The following NXPE2 variants were observed in gnomAD, a reference collection of about 807,000 sequenced individuals.
The protein encoded by NXPE2 is NXPE family member 2.
NXPE2 carries 34 observed loss-of-function variants against 34.4 expected under a neutral mutation model. The observed-to-expected ratio is 0.99, with a 90% CI of 0.75 to 1.31. NXPE2 has a LOEUF of 1.31. Among genes scored for constraint, NXPE2 ranks in the 40% most tolerant of loss-of-function variants. The probability of loss-of-function intolerance (pLI) is 0.00; values close to 1 mark genes in which losing one functional copy is unlikely to be tolerated. For missense variants in NXPE2, 649 were observed against 672.5 expected, an observed-to-expected ratio of 0.97 and a Z score of 0.39; for synonymous variants, 235 against 231.3, an observed-to-expected ratio of 1.02 and a Z score of -0.15.
chr11:114,737,512 G>A, the NXPE2 span, among the ~76,000 whole-genome samples: 11,646 of 152,198 alleles, frequency 0.077, 476 homozygotes, highest in Middle Eastern at 0.13. Context: ...AGTACTTACA[G>A]TGTGCCAGTC....
chr11:114,534,497 A>T, the NXPE2 span, among the ~76,000 whole-genome samples: 1 of 152,212 alleles, frequency 6.6e-6, no homozygotes, highest in Non-Finnish European at 1.5e-5. Flanking sequence ...GAGCTAAAGG[A>T]GGAAGTTCGA....
the NXPE2 span, among the ~76,000 whole-genome samples, chr11:114,731,741 A>T: frequency 6.6e-6 from 1 of 152,248 alleles, no homozygotes; most frequent in African/African-American, 2.4e-5. Flanking sequence ...ATATAATACA[A>T]TTTTATAGAA....
At chr11:114,510,509 C>G in the NXPE2 span, among the ~76,000 whole-genome samples, 1 of 152,176 alleles carries the variant, frequency 6.6e-6, no homozygotes, top group Non-Finnish European at 1.5e-5. Context: ...GTGTAAGCCA[C>G]CACACCCAGC....
chr11:114,566,170 T>G, the NXPE2 span, among the ~76,000 whole-genome samples: 1 of 152,056 alleles, frequency 6.6e-6, no homozygotes, highest in Non-Finnish European at 1.5e-5. Flanking sequence ...CTAAGTGCAG[T>G]GGAGAAATCA....
the NXPE2 span, among the ~76,000 whole-genome samples, chr11:114,634,868 CGTGTAGTATAG>C: frequency 6.6e-6 from 1 of 151,886 alleles, no homozygotes; most frequent in Non-Finnish European, 1.5e-5. Flanking sequence ...TTACTGTAGC[CGTGTAGTATAG>C]TTTGAAGTCA....
the NXPE2 span, among the ~76,000 whole-genome samples, chr11:114,548,063 AGGT>A: frequency 2.0e-5 from 3 of 152,204 alleles, no homozygotes; most frequent in African/African-American, 7.2e-5. Flanking sequence ...GTATCTGATA[AGGT>A]AACATTCATA....
upstream of NXPE2, among the ~76,000 whole-genome samples, chr11:114,675,917 C>A (rs1292692031): frequency 1.3e-5 from 2 of 151,720 alleles, no homozygotes; most frequent in Non-Finnish European, 2.9e-5. Flanking sequence ...AAGAATGGAA[C>A]CAAATAGAGA....
At chr11:114,785,931 A>G in the NXPE2 span, among the ~76,000 whole-genome samples, 2 of 152,130 alleles carry the variant, frequency 1.3e-5, no homozygotes, top group African/African-American at 4.8e-5. Flanking sequence ...TGTTCTAATC[A>G]CTCAGAGACA....
chr11:114,518,641 T>C, the NXPE2 span, among the ~76,000 whole-genome samples: 1 of 152,156 alleles, frequency 6.6e-6, no homozygotes, highest in African/African-American at 2.4e-5. Context: ...CTCTGAGGTA[T>C]CCTTTGCTCT....
the NXPE2 span, among the ~76,000 whole-genome samples, chr11:114,808,054 C>T: frequency 6.6e-6 from 1 of 152,198 alleles, no homozygotes; most frequent in Non-Finnish European, 1.5e-5. Context: ...CAAAACTGCT[C>T]AACTACATGG....
At chr11:114,500,604 C>G in the NXPE2 span, among the ~76,000 whole-genome samples, 2 of 152,044 alleles carry the variant, frequency 1.3e-5, no homozygotes, top group East Asian at 3.8e-4. Flanking sequence ...AATAGAAGAT[C>G]TTAGTTTTAA....
the NXPE2 span, among the ~76,000 whole-genome samples, chr11:114,482,830 A>T: frequency 0.016 from 2,388 of 152,268 alleles, 66 homozygotes; most frequent in African/African-American, 0.055. Context: ...TTCCCATAGG[A>T]GGTGTGGTTG....
At chr11:114,648,526 C>T in the NXPE2 span, among the ~76,000 whole-genome samples, 2,559 of 152,176 alleles carry the variant, frequency 0.017, 25 homozygotes, top group Non-Finnish European at 0.026. Flanking sequence ...CGTTAATCTA[C>T]CAAAAAACAC....
At chr11:114,476,174 C>T in the NXPE2 span, among the ~76,000 whole-genome samples, 1 of 152,104 alleles carries the variant, frequency 6.6e-6, no homozygotes, top group Non-Finnish European at 1.5e-5. Flanking sequence ...GTGAGGACCA[C>T]CTGTAGTAAT....
At chr11:114,684,963 CT>C (rs1951019276) in intron 2 of NXPE2, among the ~76,000 whole-genome samples, 1 of 152,040 alleles carries the variant, frequency 6.6e-6, no homozygotes, top group Admixed American at 6.6e-5. Context: ...GATGTCAAGA[CT>C]TTTAGTGATT....
the NXPE2 span, among the ~76,000 whole-genome samples, chr11:114,747,359 T>C: frequency 6.6e-6 from 1 of 151,846 alleles, no homozygotes; most frequent in Non-Finnish European, 1.5e-5. Flanking sequence ...GAAACAGATA[T>C]TGGAGAAGAG....
the NXPE2 span, among the ~76,000 whole-genome samples, chr11:114,740,563 T>C: frequency 1.3e-5 from 2 of 152,310 alleles, no homozygotes; most frequent in East Asian, 3.9e-4. Context: ...AAAAAATGAC[T>C]ATACCAATTT....
At chr11:114,704,776 C>A (rs944674783) in intron 4 of NXPE2, among the ~76,000 whole-genome samples, 1 of 152,184 alleles carries the variant, frequency 6.6e-6, no homozygotes, top group African/African-American at 2.4e-5. Context: ...AGTTCACAAT[C>A]TATGAAGAAG....
the NXPE2 span, chr11:114,527,725 T>C: frequency 1.6e-6 from 1 of 619,986 alleles, no homozygotes; most frequent in East Asian, 2.8e-5. Flanking sequence ...TCCAGCATGA[T>C]TGACATCATA....
Sources: gnomAD v4.1 joint callset for allele counts (sites outside exome capture counted in the v4.1 genomes callset) on GRCh38, gnomAD v4.1.1 for gene constraint, MANE v1.5 for transcripts, NCBI Gene and HGNC (gene_info 2026-07-23, HGNC 2026-07-21) for gene names.